KIF5C: variants seen among roughly 807,000 people sequenced by gnomAD.
KIF5C encodes kinesin heavy chain isoform 5C.
A neutral mutation model predicts 125.2 loss-of-function variants in KIF5C; 18 were observed. The ratio of observed to expected loss-of-function variants is 0.14; its 90% CI spans 0.10 to 0.21. KIF5C has a LOEUF of 0.21. Ranked by LOEUF, KIF5C falls within the 10% of genes least tolerant of loss-of-function variation. The pLI is 1.00. For synonymous variants in KIF5C, 405 were observed against 434.0 expected (o/e 0.93, Z 0.83); for missense variants, 780 against 1,183.8 (o/e 0.66, Z 5.01).
intron 25 of KIF5C, among the ~76,000 whole-genome samples, chr2:149,013,774 G>A (rs893110037): frequency 6.6e-6 from 1 of 152,140 alleles, no homozygotes; most frequent in African/African-American, 2.4e-5. Flanking sequence ...AGGTCTGCCA[G>A]TCCCATATTT....
At chr2:148,957,576 A>C (rs1404605192) in intron 10 of KIF5C, among the ~76,000 whole-genome samples, 1 of 143,178 alleles carries the variant, frequency 7.0e-6, no homozygotes, top group Non-Finnish European at 1.5e-5. Flanking sequence ...CCTAGATAGG[A>C]GAATGTTTGT....
chr2:148,936,601 C>T (rs1682297645), intron 3 of KIF5C, among the ~76,000 whole-genome samples: 1 of 152,094 alleles, frequency 6.6e-6, no homozygotes, highest in African/African-American at 2.4e-5. Flanking sequence ...TTTACCTATC[C>T]CTATCCCCAC....
intron 25 of KIF5C, among the ~76,000 whole-genome samples, chr2:149,012,582 A>G (rs4132027): frequency 2.3e-4 from 35 of 152,294 alleles, no homozygotes; most frequent in African/African-American, 8.2e-4. Flanking sequence ...TGGAGCCATC[A>G]CTCAGGGTCC....
chr2:148,960,761 T>C (rs1443452592), intron 10 of KIF5C, among the ~76,000 whole-genome samples: 1 of 152,256 alleles, frequency 6.6e-6, no homozygotes, highest in Non-Finnish European at 1.5e-5. Context: ...CTGACAACGG[T>C]AATTAACCCG....
intron 10 of KIF5C, among the ~76,000 whole-genome samples, chr2:148,951,283 G>A (rs114568991): frequency 6.6e-6 from 1 of 152,160 alleles, no homozygotes; most frequent in Non-Finnish European, 1.5e-5. Context: ...TGGACTGTAT[G>A]CTGAGAAGAG....
rs116734166 is a variant in KIF5C, at chr2:148,894,728, G to A, written c.126+18985G>A. On this transcript the variant is annotated intron_variant, in intron 1 of 25. Coordinates refer to ENST00000435030, the MANE Select transcript of KIF5C (RefSeq NM_004522.3). ...AATATATATATATATATATAGGGTGGGAGGGAAGATTAAAGGAAGTATAAA... is the reference window on the plus strand; with the variant it reads ...AATATATATATATATATATAGGGTGAGAGGGAAGATTAAAGGAAGTATAAA... Among the ~76,000 whole-genome samples the A allele has an allele frequency of 4.1e-3, 617 of 149,694 alleles. 4 individuals are homozygous for A. Among genetic ancestry groups the A allele is most frequent in the Non-Finnish European group, 6.4e-3 (431 of 67,814 alleles).
intron 16 of KIF5C, among the ~76,000 whole-genome samples, chr2:148,992,723 G>A (rs1351603124): frequency 2.6e-5 from 4 of 152,316 alleles, no homozygotes; most frequent in Non-Finnish European, 5.9e-5. Flanking sequence ...ATAGTCCATA[G>A]ATTGGTTTAT....
intron 1 of KIF5C, among the ~76,000 whole-genome samples, chr2:148,894,278 A>G (rs1224706740): frequency 6.6e-6 from 1 of 152,228 alleles, no homozygotes; most frequent in Non-Finnish European, 1.5e-5. Flanking sequence ...AAGTACAGAA[A>G]ATGATTGCCT....
chr2:148,883,564 T>A (rs1419826025), intron 1 of KIF5C: 2 of 152,194 alleles, frequency 1.3e-5, no homozygotes, highest in East Asian at 3.8e-4. Context: ...TTTTATTGTA[T>A]ATTCTAGTTC....
chr2:148,991,087 C>T lies in KIF5C; in HGVS notation c.1794C>T (p.Val598=). 6.2e-7 allele frequency: 1 copy of T among 1,613,852 alleles called. No individual in the cohort carries two copies. Among genetic ancestry groups the T allele is most frequent in the Non-Finnish European group, 8.5e-7 (1 of 1,179,836 alleles). ...RLYISKMKSE[V]KSLVNRSKQL... is the part of the protein sequence containing the mutation. Reference sequence around the variant, plus strand: ...ACATCAGCAAGATGAAGTCAGAGGTCAAGTCCCTGGTGAACCGCAGCAAAC... The same window carrying T: ...ACATCAGCAAGATGAAGTCAGAGGTTAAGTCCCTGGTGAACCGCAGCAAAC... The change falls in exon 16 of 26, where the codon GTC becomes GTT. Residue 598 remains valine, a synonymous_variant. Transcript: ENST00000435030.
intron 25 of KIF5C, among the ~76,000 whole-genome samples, chr2:149,021,522 T>C (rs1355342753): frequency 6.6e-6 from 1 of 152,092 alleles, no homozygotes; most frequent in African/African-American, 2.4e-5. Flanking sequence ...ATATGTAACT[T>C]ACATCCTGCT....
rs759785326 is a variant in KIF5C at position 148,973,360 on chromosome 2, A to G, written c.1142A>G (p.Gln381Arg). Residue 381 changes from glutamine (Q) to arginine (R), a missense_variant, in exon 12 of 26, where the codon CAG (glutamine) becomes CGG (arginine). Gln to Arg is a conservative substitution (Grantham distance 43, BLOSUM62 1). Transcript: ENST00000435030. ...RNGEAVPEDE[Q>R]ISAKDQKNLE... Reference sequence around the variant, plus strand: ...GGAGAAGCTGTGCCTGAGGATGAACAGATCAGTGCCAAGGACCAGAAGAAC... The same window carrying G: ...GGAGAAGCTGTGCCTGAGGATGAACGGATCAGTGCCAAGGACCAGAAGAAC... 7.4e-6 allele frequency: 12 copies of G among 1,612,710 alleles called. No homozygotes were observed. In the East Asian group the frequency reaches 2.7e-4, roughly 36 times the overall value.
intron 17 of KIF5C, 118 bp from the exon 18 acceptor site, chr2:148,997,146 G>A (rs1242512154): frequency 6.9e-7 from 1 of 1,445,412 alleles, no homozygotes; most frequent in African/African-American, 1.4e-5. Context: ...TGTAATTGCT[G>A]ATATAAGCTG....
chr2:148,943,265 C>G (rs1342024774), intron 7 of KIF5C, among the ~76,000 whole-genome samples: 2 of 152,134 alleles, frequency 1.3e-5, no homozygotes, highest in Middle Eastern at 3.2e-3. Context: ...TTAGGGAAAG[C>G]CTTCCGATAT....
At chr2:148,878,668 C>A (rs944443585) in intron 1 of KIF5C, 1 of 152,176 alleles carries the variant, frequency 6.6e-6, no homozygotes, top group Non-Finnish European at 1.5e-5. Flanking sequence ...TGTATCATGC[C>A]ATATGCAATG....
intron 1 of KIF5C, among the ~76,000 whole-genome samples, chr2:148,883,186 C>T (rs932831779): frequency 3.9e-5 from 6 of 151,970 alleles, no homozygotes; most frequent in African/African-American, 1.2e-4. Flanking sequence ...TTAGACCATG[C>T]AAAAAATCAT....
chr2:148,882,565 C>G (rs1353383184), intron 1 of KIF5C, among the ~76,000 whole-genome samples: 1 of 152,214 alleles, frequency 6.6e-6, no homozygotes, highest in Non-Finnish European at 1.5e-5. Flanking sequence ...TGTTCCCCCT[C>G]AAGAAGATTA....
chr2:148,989,648 AT>A (rs971495417), intron 15 of KIF5C, among the ~76,000 whole-genome samples: 4 of 151,344 alleles, frequency 2.6e-5, no homozygotes, highest in African/African-American at 4.8e-5. Flanking sequence ...GCCAACATCT[AT>A]TTTTTTTTAT....
chr2:148,983,533 C>T (rs1270660683), intron 14 of KIF5C, 87 bp from the exon 15 acceptor site: 1 of 1,409,276 alleles, frequency 7.1e-7, no homozygotes, highest in East Asian at 2.4e-5. Flanking sequence ...GAAATCCATT[C>T]TACATGATGG....
Sources: gnomAD v4.1 joint callset for allele counts (sites outside exome capture counted in the v4.1 genomes callset) on GRCh38, gnomAD v4.1.1 for gene constraint, MANE v1.5 for transcripts, NCBI Gene and HGNC (gene_info 2026-07-23, HGNC 2026-07-21) for gene names.